CSMD1: variants seen among roughly 807,000 people sequenced by gnomAD.
CSMD1 encodes the protein CUB and Sushi multiple domains 1, also known as CUB and sushi domain-containing protein 1.
A neutral mutation model predicts 417.5 loss-of-function variants in CSMD1; 213 were observed. That is an observed-to-expected ratio of 0.51 (90% CI 0.46 to 0.57). CSMD1 has a LOEUF of 0.57. Ranked by LOEUF, CSMD1 falls within the 20% of genes least tolerant of loss-of-function variation. The pLI is 0.00. For synonymous variants in CSMD1, 2,862 were observed against 1,736.8 expected (o/e 1.65, Z -16.11); for missense variants, 6,923 against 4,529.7 (o/e 1.53, Z -15.17).
intron 3 of CSMD1, among the ~76,000 whole-genome samples, chr8:4,195,016 G>A (rs952176594): frequency 1.7e-4 from 26 of 152,124 alleles, no homozygotes; most frequent in Non-Finnish European, 3.2e-4. Flanking sequence ...TCTTCACATT[G>A]TAACTTTTTT....
At chr8:3,355,616 G>C (rs1808728698) in intron 21 of CSMD1, among the ~76,000 whole-genome samples, 1 of 152,126 alleles carries the variant, frequency 6.6e-6, no homozygotes, top group Non-Finnish European at 1.5e-5. Flanking sequence ...TGGGGCTACA[G>C]CACTGTATGT....
At chr8:3,717,122 C>A (rs1235647640) in intron 6 of CSMD1, among the ~76,000 whole-genome samples, 2 of 152,130 alleles carry the variant, frequency 1.3e-5, no homozygotes, top group Non-Finnish European at 2.9e-5. Flanking sequence ...GAAATTATAG[C>A]CCTGACTTTA....
At chr8:4,248,725 A>ATC (rs1227577673) in intron 3 of CSMD1, among the ~76,000 whole-genome samples, 1 of 152,068 alleles carries the variant, frequency 6.6e-6, no homozygotes, top group African/African-American at 2.4e-5. Flanking sequence ...TTTTTGGGTG[A>ATC]TCTCTATCAA....
chr8:4,683,407 ATTTACACACTCATTATATC>A (rs1806167319), intron 1 of CSMD1, among the ~76,000 whole-genome samples: 1 of 152,120 alleles, frequency 6.6e-6, no homozygotes, highest in Non-Finnish European at 1.5e-5. Context: ...CTGTCCTTAC[ATTTACACACTCATTATATC>A]CTGAAGGACA....
chr8:4,451,833 G>C (rs1190778025), intron 2 of CSMD1, among the ~76,000 whole-genome samples: 1 of 151,840 alleles, frequency 6.6e-6, no homozygotes, highest in Non-Finnish European at 1.5e-5. Flanking sequence ...AGTGAGTTTT[G>C]TTTACGTAAT....
At chr8:4,396,115 T>C (rs7832757) in intron 3 of CSMD1, among the ~76,000 whole-genome samples, 135,621 of 151,004 alleles carry the variant, frequency 0.9, 60,618 homozygotes, top group East Asian at 1. Flanking sequence ...TTTTTAAGTT[T>C]TACTACTGTA....
intron 25 of CSMD1, among the ~76,000 whole-genome samples, chr8:3,294,102 G>T (rs1378600585): frequency 2.0e-5 from 3 of 152,204 alleles, no homozygotes; most frequent in African/African-American, 7.2e-5. Context: ...TCCGGACCCT[G>T]TTTGCCTGGG....
At chr8:3,074,890 C>G (rs2129000322) in intron 49 of CSMD1, among the ~76,000 whole-genome samples, 1 of 152,130 alleles carries the variant, frequency 6.6e-6, no homozygotes, top group East Asian at 1.9e-4. Context: ...ATCTATGTCC[C>G]CACTCAAATC....
intron 1 of CSMD1, among the ~76,000 whole-genome samples, chr8:4,639,129 A>T (rs886619932): frequency 6.6e-6 from 1 of 151,894 alleles, no homozygotes; most frequent in Non-Finnish European, 1.5e-5. Context: ...GCTACTCCTG[A>T]TCTTCATCCA....
intron 25 of CSMD1, among the ~76,000 whole-genome samples, chr8:3,292,907 G>C (rs1312870655): frequency 1.3e-5 from 2 of 151,948 alleles, no homozygotes; most frequent in African/African-American, 4.8e-5. Flanking sequence ...AGTTGATGCA[G>C]TTTCTTCCTA....
intron 7 of CSMD1, among the ~76,000 whole-genome samples, chr8:3,667,908 T>A (rs1399208166): frequency 6.6e-6 from 1 of 152,160 alleles, no homozygotes; most frequent in Non-Finnish European, 1.5e-5. Flanking sequence ...AAAGACTCTG[T>A]ATGTTGCGGA....
At chr8:4,167,179 A>G (rs918781215) in intron 3 of CSMD1, among the ~76,000 whole-genome samples, 10 of 152,208 alleles carry the variant, frequency 6.6e-5, no homozygotes, top group East Asian at 1.9e-4. Context: ...AGAAAACCAG[A>G]TAATTTTTTC....
In CSMD1 at chr8:4,599,240, A is replaced by G. The variant is rs535292472; in HGVS notation, c.302+38102T>C. Among the ~76,000 whole-genome samples, 9 of 152,356 alleles carry G rather than the reference A, an allele frequency of 5.9e-5. No individual in the cohort carries two copies. The South Asian group carries it at 1.9e-3, about 32-fold the overall frequency. On this transcript the variant is annotated intron_variant, in intron 2 of 69. Coordinates refer to ENST00000635120, the MANE Select transcript of CSMD1 (RefSeq NM_033225.6). ...TTCAGATAGGACAAAATGAGATTAA[A>G]TAATTCTACCCCATGTGTCCAAGCA...
intron 7 of CSMD1, among the ~76,000 whole-genome samples, chr8:3,703,945 C>T (rs767112309): frequency 1.3e-5 from 2 of 152,000 alleles, no homozygotes; most frequent in Non-Finnish European, 2.9e-5. Context: ...GTGGCACACA[C>T]CTGTACTCCC....
intron 1 of CSMD1, among the ~76,000 whole-genome samples, chr8:4,866,163 C>T (rs1311185276): frequency 6.6e-6 from 1 of 151,930 alleles, no homozygotes; most frequent in Non-Finnish European, 1.5e-5. Flanking sequence ...TTTATGACAT[C>T]TGTTTAAGAG....
chr8:4,308,272 T>G (rs552027367), intron 3 of CSMD1, among the ~76,000 whole-genome samples: 1 of 152,012 alleles, frequency 6.6e-6, no homozygotes, highest in Non-Finnish European at 1.5e-5. Context: ...GTGTCTGTTG[T>G]GTATAGTTGA....
chr8:3,323,954 A>G (rs1283637340), intron 23 of CSMD1, among the ~76,000 whole-genome samples: 2 of 132,082 alleles, frequency 1.5e-5, no homozygotes, highest in Non-Finnish European at 1.6e-5. Context: ...CAGGAGGGGG[A>G]GTTTCCTTCA....
At chr8:4,781,253 G>A (rs559907478) in intron 1 of CSMD1, among the ~76,000 whole-genome samples, 4 of 152,252 alleles carry the variant, frequency 2.6e-5, no homozygotes, top group African/African-American at 9.6e-5. Context: ...GCATGATGAG[G>A]GAATGCCCTC....
At chr8:3,891,259 G>C (rs554839247) in intron 5 of CSMD1, among the ~76,000 whole-genome samples, 5 of 152,132 alleles carry the variant, frequency 3.3e-5, no homozygotes, top group African/African-American at 7.2e-5. Flanking sequence ...ATGTTTCCCA[G>C]GCTAGTCTCA....
Sources: allele counts gnomAD v4.1 joint callset (sites outside exome capture counted in the v4.1 genomes callset), GRCh38; gene constraint gnomAD v4.1.1; transcripts MANE v1.5; gene names NCBI Gene and HGNC (gene_info 2026-07-23, HGNC 2026-07-21).